Variants in SLCO3A1 observed in about 807,000 individuals in gnomAD.
SLCO3A1 encodes PGE1 transporter.
Under a neutral mutation model 63.1 loss-of-function variants are expected in SLCO3A1, and 27 were observed. The observed-to-expected ratio is 0.43, with a 90% confidence interval of 0.32 to 0.59. SLCO3A1 has a LOEUF of 0.59. Ranked by LOEUF, SLCO3A1 falls within the 20% of genes least tolerant of loss-of-function variation. SLCO3A1 has a pLI of 0.09. For synonymous variants in SLCO3A1, 473 were observed against 409.9 expected (o/e 1.15, Z -1.86); for missense variants, 773 against 945.8 (o/e 0.82, Z 2.40).
intron 2 of SLCO3A1, among the ~76,000 whole-genome samples, chr15:91,926,645 T>C (rs1899043200): frequency 6.8e-6 from 1 of 147,234 alleles, no homozygotes; most frequent in African/African-American, 2.5e-5. Flanking sequence ...TAGACAAATA[T>C]GAAGATACCA....
chr15:91,970,854 A>G (rs1900832513), intron 2 of SLCO3A1, among the ~76,000 whole-genome samples: 1 of 151,004 alleles, frequency 6.6e-6, no homozygotes, highest in Non-Finnish European at 1.5e-5. Context: ...TCCTCATGCT[A>G]CTAATGCCCA....
intron 7 of SLCO3A1, 84 bp downstream of exon 7, chr15:92,128,573 C>T: frequency 7.8e-7 from 1 of 1,282,200 alleles, no homozygotes; most frequent in Non-Finnish European, 1.1e-6. Context: ...AGGTTGTTCG[C>T]CTTCCCTGTG....
chr15:92,035,613 G>A (rs369133822), intron 2 of SLCO3A1, among the ~76,000 whole-genome samples: 15 of 151,748 alleles, frequency 9.9e-5, no homozygotes, highest in East Asian at 5.8e-4. Flanking sequence ...GTTTAGAGAG[G>A]GAGGACAAAG....
intron 2 of SLCO3A1, among the ~76,000 whole-genome samples, chr15:91,975,248 A>C (rs1301718766): frequency 6.7e-6 from 1 of 148,716 alleles, no homozygotes; most frequent in Non-Finnish European, 1.5e-5. Context: ...ATTGGCTGAC[A>C]GGTGCGCATT....
At position 91,954,747 on chromosome 15, in the gene SLCO3A1, A is replaced by G. The variant is rs1900113262; in HGVS notation, c.646+38289A>G. Among the ~76,000 whole-genome samples, 1 of 151,974 alleles carries G rather than the reference A, an allele frequency of 6.6e-6. No individual in the cohort carries two copies. The highest frequency in any genetic ancestry group is 2.1e-4 in the South Asian group (1 of 4,830). On this transcript the variant is annotated intron_variant, in intron 2 of 9. Transcript: ENST00000318445. The surrounding 1 kb of genome is among the most constrained non-coding windows in gnomAD (Gnocchi z 4.7). Reference sequence around the variant, plus strand: ...AGATGGGGAGAGGGGTTGACCTGCGAAGCACCCTCTGCTTCCTCCTTCCTT... The same window carrying G: ...AGATGGGGAGAGGGGTTGACCTGCGGAGCACCCTCTGCTTCCTCCTTCCTT...
chr15:92,069,470 G>A (rs140332823), intron 2 of SLCO3A1, among the ~76,000 whole-genome samples: 1 of 152,348 alleles, frequency 6.6e-6, no homozygotes, highest in East Asian at 1.9e-4. Flanking sequence ...AAGGACTTAT[G>A]TTGGTAGCAA....
At position 91,887,874 on chromosome 15, in the gene SLCO3A1, C is replaced by G. The variant is rs1342145861; in HGVS notation, c.181-28119C>G. Among the ~76,000 whole-genome samples, 3 of 152,188 alleles carry G rather than the reference C, an allele frequency of 2.0e-5. No homozygotes were observed. The East Asian group carries it at 5.8e-4, about 29-fold the overall frequency. Reference sequence around the variant, plus strand: ...ATTGAACTTAGTAATACCTACACTACAGTTTGTGCCAGGATTTAATAAGAT... The same window carrying G: ...ATTGAACTTAGTAATACCTACACTAGAGTTTGTGCCAGGATTTAATAAGAT... On this transcript the variant is annotated intron_variant, in intron 1 of 9. Transcript: ENST00000318445.
downstream of SLCO3A1, among the ~76,000 whole-genome samples, chr15:92,170,358 G>C (rs921813211): frequency 6.6e-6 from 1 of 152,144 alleles, no homozygotes; most frequent in Non-Finnish European, 1.5e-5. Context: ...CACGTGCCGG[G>C]TTCTGTGAAT....
At chr15:92,045,315 C>T (rs914610972) in intron 2 of SLCO3A1, among the ~76,000 whole-genome samples, 1 of 150,322 alleles carries the variant, frequency 6.7e-6, no homozygotes, top group South Asian at 2.1e-4. Context: ...TAGAGTAACA[C>T]ATACTCATTG....
chr15:92,005,765 G>A (rs1269838291), intron 2 of SLCO3A1, among the ~76,000 whole-genome samples: 1 of 152,186 alleles, frequency 6.6e-6, no homozygotes, highest in African/African-American at 2.4e-5. Flanking sequence ...TTGATGTTAT[G>A]CACTGGATAA....
intron 2 of SLCO3A1, among the ~76,000 whole-genome samples, chr15:91,988,127 G>T (rs759491878): frequency 7.2e-5 from 11 of 152,190 alleles, no homozygotes; most frequent in Non-Finnish European, 1.3e-4. Context: ...GTAGGGTTGG[G>T]TGCGGTGGTG....
In SLCO3A1 at chr15:92,150,977, C is replaced by T. The variant is rs2302085; in HGVS notation, c.1716C>T (p.Tyr572=). The T allele has an allele frequency of 0.015, 23,855 of 1,612,542 alleles. 2,025 individuals are homozygous for T. In the East Asian group the frequency reaches 0.27, roughly 19 times the overall value. The part of the protein sequence containing the change: ...IRTVSPELKS[Y]ALGVLFLLLR... ...CAGTCAGCCCTGAACTCAAGTCTTA[C>T]GCTTTGGGAGTTCTTTTTCTCCTCC... The change falls in exon 9 of 10, where the codon TAC becomes TAT. Residue 572 remains tyrosine, a synonymous_variant. Transcript: ENST00000318445.
Position 92,044,084 on chromosome 15 carries a change from T to A in SLCO3A1, c.647-50797T>A, listed in dbSNP as rs115289480. On this transcript the variant is annotated intron_variant, in intron 2 of 9. Coordinates refer to ENST00000318445, the MANE Select transcript of SLCO3A1 (RefSeq NM_013272.4). ...GCCGTAACTGTATCTGGCAGCTTCA[T>A]AGACCATTATACGAATTCTTAGGAT... Among the ~76,000 whole-genome samples, 878 of 152,300 alleles carry A rather than the reference T, an allele frequency of 5.8e-3. 12 individuals are homozygous for A. The highest frequency in any genetic ancestry group is 0.02 in the African/African-American group (823 of 41,560).
At chr15:92,073,149 C>A (rs1269098920) in intron 2 of SLCO3A1, among the ~76,000 whole-genome samples, 1 of 152,080 alleles carries the variant, frequency 6.6e-6, no homozygotes, top group Non-Finnish European at 1.5e-5. Flanking sequence ...AAGGCCTACG[C>A]TGGGAAATGG....
intron 1 of SLCO3A1, among the ~76,000 whole-genome samples, chr15:91,896,214 C>A (rs1255584684): frequency 6.6e-6 from 1 of 152,230 alleles, no homozygotes; most frequent in East Asian, 1.9e-4. Context: ...AAGAAATGCT[C>A]CCGGCATAAG....
chr15:91,886,105 C>T lies in SLCO3A1; in HGVS notation c.181-29888C>T, dbSNP rs930410171. On this transcript the variant is annotated intron_variant, in intron 1 of 9. Coordinates refer to ENST00000318445, the MANE Select transcript of SLCO3A1 (RefSeq NM_013272.4). The surrounding 1 kb of genome is among the most constrained non-coding windows in gnomAD (Gnocchi z 4.9). The stretch of plus-strand genomic sequence containing the variant: ...TTGGGGCTGGCAAATCTGACTAGTC[C>T]ATTTCCCTAGTACTCCTGCTTACCT... Among the ~76,000 whole-genome samples the T allele has an allele frequency of 1.3e-5, 2 of 152,148 alleles. No individual in the cohort carries two copies. Among genetic ancestry groups the T allele is most frequent in the African/African-American group, 2.4e-5 (1 of 41,430 alleles).
intron 2 of SLCO3A1, among the ~76,000 whole-genome samples, chr15:92,042,968 A>G (rs976158026): frequency 5.3e-5 from 8 of 152,152 alleles, no homozygotes; most frequent in Non-Finnish European, 1.2e-4. Context: ...AGAAGATAAG[A>G]GAGAGATTCT....
At chr15:92,157,829 C>G (rs942156383) in intron 9 of SLCO3A1, among the ~76,000 whole-genome samples, 1 of 152,146 alleles carries the variant, frequency 6.6e-6, no homozygotes, top group East Asian at 1.9e-4. Context: ...AAATGGCATC[C>G]CATTGATTCT....
At chr15:91,921,375 GT>G (rs1420435602) in intron 2 of SLCO3A1, among the ~76,000 whole-genome samples, 1 of 152,108 alleles carries the variant, frequency 6.6e-6, no homozygotes, top group Non-Finnish European at 1.5e-5. Flanking sequence ...TGTACTGGGG[GT>G]TAGGGCTTCA....
Sources: gnomAD v4.1 joint callset for allele counts (sites outside exome capture counted in the v4.1 genomes callset) on GRCh38, gnomAD v4.1.1 for gene constraint, Gnocchi (gnomAD v3.1) non-coding constraint, MANE v1.5 for transcripts, NCBI Gene and HGNC (gene_info 2026-07-23, HGNC 2026-07-21) for gene names.